ZBTB47: variants seen among roughly 807,000 people sequenced by gnomAD.
ZBTB47 encodes the protein zinc finger and BTB domain-containing protein 47.
Under a neutral mutation model 56.6 loss-of-function variants are expected in ZBTB47, and 24 were observed. The observed-to-expected ratio is 0.42, with a 90% CI of 0.31 to 0.60. The LOEUF (loss-of-function observed/expected upper bound fraction) is 0.60, where lower values mean the gene tolerates loss of function less well. Ranked by LOEUF, ZBTB47 falls within the 20% of genes least tolerant of loss-of-function variation. The probability of loss-of-function intolerance (pLI) is 0.14; values close to 1 mark genes in which losing one functional copy is unlikely to be tolerated. For missense variants in ZBTB47, 829 were observed against 1,032.6 expected (o/e 0.80, Z 2.70); for synonymous variants, 414 against 418.9 (o/e 0.99, Z 0.14).
chr3:42,659,625 C>T lies in ZBTB47; in HGVS notation c.1270C>T (p.Leu424=), dbSNP rs541362915. Residue 424 remains leucine (L), a synonymous_variant, in exon 2 of 6, where the codon CTG becomes TTG. Transcript: ENST00000232974. ...CCGAGGGCCGCCAGCCACTGATGGG[C>T]TGGGGGCCAAGGTGAAGCTGGAGGA... The part of the protein sequence containing the change: ...SARGPPATDG[L]GAKVKLEEKQ... The T allele has an allele frequency of 7.1e-5, 114 of 1,610,906 alleles. 1 individual carries two copies. The South Asian group carries it at 1.2e-3, about 17-fold the overall frequency.
intron 2 of ZBTB47, among the ~76,000 whole-genome samples, chr3:42,660,288 C>T (rs982575387): frequency 1.3e-5 from 2 of 152,194 alleles, no homozygotes; most frequent in Non-Finnish European, 1.5e-5. Context: ...AGTGAGCACA[C>T]GATGGGAGGA....
In ZBTB47 at chr3:42,658,707, G is replaced by C; in HGVS notation, c.352G>C (p.Gly118Arg). Residue 118 changes from glycine to arginine, a missense_variant, in exon 2 of 6, where the codon GGT becomes CGT. This residue lies in a region of ZBTB47 where 120 missense variants were observed against 200.2 expected (regional missense o/e 0.60). Coordinates refer to ENST00000232974, the MANE Select transcript of ZBTB47 (RefSeq NM_145166.4). ...GGACGCCCGCTCTCTAGGCCCACCA[G>C]GTCCGGGCACTGTGGCCCTGGCCCA... ...LLDARSLGPP[G>R]PGTVALAQPA... 2 of 1,535,650 alleles carry C rather than the reference G, an allele frequency of 1.3e-6. No homozygotes were observed. Among genetic ancestry groups the C allele is most frequent in the Non-Finnish European group, 8.7e-7 (1 of 1,146,574 alleles).
chr3:42,661,691 G>C, intron 3 of ZBTB47, 59 bp downstream of exon 3: 1 of 1,593,710 alleles, frequency 6.3e-7, no homozygotes, highest in Admixed American at 1.7e-5. Flanking sequence ...GCTTCTGGCT[G>C]GTGGATGGGA....
At chr3:42,658,224 G>T in intron 1 of ZBTB47, 51 bp from the exon 2 acceptor site, 1 of 1,432,174 alleles carries the variant, frequency 7.0e-7, no homozygotes, top group Non-Finnish European at 9.1e-7. Context: ...GGGGAAGGGC[G>T]GGCAGGGGCC....
In ZBTB47 at chr3:42,664,576, G is replaced by T; in HGVS notation, c.2222G>T (p.Gly741Val). ...TTCCCCACCACTGCCAGCCCCGGCG[G>T]GAGGATGAACGCCAACAACTAGCTG... ...PLFPTTASPG[G>V]RMNANN Residue 741 changes from glycine (G) to valine (V), a missense_variant, in exon 6 of 6, where the codon GGG becomes GTG. Gly to Val is a moderately radical substitution (Grantham distance 109). Transcript: ENST00000232974. The T allele has an allele frequency of 1.4e-6, 2 of 1,414,702 alleles. No homozygotes were observed. Among genetic ancestry groups the T allele is most frequent in the Non-Finnish European group, 1.8e-6 (2 of 1,098,286 alleles). 87.6% of individuals were successfully genotyped at this position (1,414,702 alleles called of 1,614,324 possible). A position where few individuals can be genotyped will look rare whatever the true frequency, so the allele number is the denominator to read the frequency against.
At position 42,653,722 on chromosome 3, in the gene ZBTB47, C is replaced by T. The variant is rs1553676620; in HGVS notation, c.-243C>T. The stretch of plus-strand genomic sequence containing the variant: ...ACTCAGCAGTGGTCAGGTCACACGG[C>T]TAGAGGGGCACAGTGGGGCCTGGGC... On this transcript the variant is annotated 5_prime_UTR_variant, in exon 1 of 6. Coordinates refer to ENST00000232974, the MANE Select transcript of ZBTB47 (RefSeq NM_145166.4). The T allele has an allele frequency of 6.6e-6, 1 of 152,568 alleles. No individual in the cohort carries two copies. The highest frequency in any genetic ancestry group is 1.5e-5 in the Non-Finnish European group (1 of 68,302). 9.5% of individuals were successfully genotyped at this position (152,568 alleles called of 1,614,324 possible).
rs1379019946 is a variant in ZBTB47, at chr3:42,659,197, A to G, written c.842A>G (p.Glu281Gly). Reference protein sequence around the residue: ...GLQRHSDEEEEDDEEEEEEEE... With the variant: ...GLQRHSDEEEGDDEEEEEEEE... The stretch of plus-strand genomic sequence containing the variant: ...CAGAGACACTCGGACGAGGAGGAGG[A>G]GGACGACGAGGAGGAGGAGGAGGAA... Residue 281 changes from glutamate to glycine, a missense_variant, in exon 2 of 6, where the codon GAG becomes GGG. Transcript: ENST00000232974. The G allele has an allele frequency of 1.3e-6, 2 of 1,525,054 alleles. No individual in the cohort carries two copies. The highest frequency in any genetic ancestry group is 1.8e-6 in the Non-Finnish European group (2 of 1,140,704). The allele number at this position is 1,525,054 out of a possible 1,614,324, so 94.5% of individuals were successfully genotyped here. A position where few individuals can be genotyped will look rare whatever the true frequency, so the allele number is the denominator to read the frequency against.
chr3:42,664,334 C>T lies in ZBTB47; in HGVS notation c.1980C>T (p.Tyr660=), dbSNP rs566867296. ...GCACGCACACGGGCGAGAAGCCGTA[C>T]CCGTGCGACGTGTGTGGCCAGCGCT... ...HRRTHTGEKP[Y]PCDVCGQRFR... Residue 660 remains tyrosine, a synonymous_variant, in exon 6 of 6, where the codon TAC becomes TAT. Coordinates refer to ENST00000232974, the MANE Select transcript of ZBTB47 (RefSeq NM_145166.4). The T allele has an allele frequency of 2.9e-5, 46 of 1,613,256 alleles. No homozygotes were observed. Among genetic ancestry groups the T allele is most frequent in the Non-Finnish European group, 3.6e-5 (42 of 1,179,728 alleles).
chr3:42,664,874 G>A lies in ZBTB47; in HGVS notation c.*276G>A, dbSNP rs1003225878. The A allele has an allele frequency of 6.7e-5, 22 of 327,058 alleles. No homozygotes were observed. Among genetic ancestry groups the A allele is most frequent in the Middle Eastern group, 7.8e-4 (1 of 1,282 alleles). 20.3% of individuals were successfully genotyped at this position (327,058 alleles called of 1,614,324 possible). On this transcript the variant is annotated 3_prime_UTR_variant, in exon 6 of 6. Coordinates refer to ENST00000232974, the MANE Select transcript of ZBTB47 (RefSeq NM_145166.4). ...TTTTTTTTTGGAAGTGAAGGAAAAA[G>A]AAACTATTTACAGCACTCCCCTCCA...
chr3:42,655,195 G>T (rs898069883), intron 1 of ZBTB47, among the ~76,000 whole-genome samples: 1 of 152,168 alleles, frequency 6.6e-6, no homozygotes, highest in African/African-American at 2.4e-5. Context: ...GGGGAGGTAA[G>T]TGCACAGAGG....
At chr3:42,652,948 G>A (rs747950369), upstream of ZBTB47, among the ~76,000 whole-genome samples, 3 of 152,234 alleles carry the variant, frequency 2.0e-5, no homozygotes, top group Non-Finnish European at 2.9e-5. Context: ...AGCCCTCAGC[G>A]GGCTAGCTGG....
In ZBTB47 at chr3:42,659,324, T is replaced by G; in HGVS notation, c.969T>G (p.Ser323Arg). The stretch of plus-strand genomic sequence containing the variant: ...AAGAAGAGGAGGAGGACGGGCACAG[T>G]GAGCAGGAAGAGGAAGAGGAGGAGG... ...EEEEEEEDGH[S>R]EQEEEEEEEE... Residue 323 changes from serine (S) to arginine (R), a missense_variant, in exon 2 of 6, where the codon AGT (serine) becomes AGG (arginine). Physicochemically the swap from Ser to Arg is moderately radical, Grantham distance 110. This residue lies in a region of ZBTB47 where 359 missense variants were observed against 359.8 expected (regional missense o/e 1.00). Transcript: ENST00000232974. 3 of 1,462,894 alleles carry G rather than the reference T, an allele frequency of 2.1e-6. No homozygotes were observed. The highest frequency in any genetic ancestry group is 2.8e-6 in the Non-Finnish European group (3 of 1,090,844). The allele number at this position is 1,462,894 out of a possible 1,614,324, so 90.6% of individuals were successfully genotyped here.
chr3:42,659,928 A>C lies in ZBTB47; in HGVS notation c.1473+100A>C, dbSNP rs575991686. ...TAGTGTCTTGCTGACTGCATTACCTAGGTGGTCTGCGGAGACCAGACTTAG... is the reference window on the plus strand; with the variant it reads ...TAGTGTCTTGCTGACTGCATTACCTCGGTGGTCTGCGGAGACCAGACTTAG... On this transcript the variant is annotated intron_variant, in intron 2 of 5. Transcript: ENST00000232974. 5 of 1,436,294 alleles carry C rather than the reference A, an allele frequency of 3.5e-6. 1 individual carries two copies. The South Asian group carries it at 7.3e-5, about 21-fold the overall frequency. The allele number at this position is 1,436,294 out of a possible 1,614,324, so 89.0% of individuals were successfully genotyped here. A position where few individuals can be genotyped will look rare whatever the true frequency, so the allele number is the denominator to read the frequency against.
At chr3:42,662,525 C>A (rs1005269002) in intron 3 of ZBTB47, among the ~76,000 whole-genome samples, 1 of 152,230 alleles carries the variant, frequency 6.6e-6, no homozygotes, top group Non-Finnish European at 1.5e-5. Context: ...CTAACTTCCT[C>A]CAGACTGCTG....
chr3:42,663,250 C>G lies in ZBTB47; in HGVS notation c.1737+123C>G. ...GAATGTAGTGTCCAGAAAGAGAGAGCCCTGCCCTCTGAGGTCTGCAGCCCC... is the reference window on the plus strand; with the variant it reads ...GAATGTAGTGTCCAGAAAGAGAGAGGCCTGCCCTCTGAGGTCTGCAGCCCC... On this transcript the variant is annotated intron_variant, in intron 4 of 5. Transcript: ENST00000232974. The surrounding 1 kb of genome is among the most constrained non-coding windows in gnomAD (Gnocchi z 5.1). 1.4e-6 allele frequency: 1 copy of G among 724,682 alleles called. No homozygotes were observed. The highest frequency in any genetic ancestry group is 2.4e-6 in the Non-Finnish European group (1 of 421,922). The allele number at this position is 724,682 out of a possible 1,614,324, so 44.9% of individuals were successfully genotyped here.
chr3:42,662,771 G>T (rs889590888), intron 3 of ZBTB47, among the ~76,000 whole-genome samples: 1 of 152,196 alleles, frequency 6.6e-6, no homozygotes, highest in African/African-American at 2.4e-5. Flanking sequence ...CCCTTGACCA[G>T]AGGCTAAAGA....
rs1185208590 is a variant in ZBTB47, at chr3:42,661,340, C to T, written c.1474-145C>T. On this transcript the variant is annotated intron_variant, in intron 2 of 5. Transcript: ENST00000232974. ...GAGTTTTCATCCCCAACCTTAGAAA[C>T]ATCAGAGCTGGCTGGCTGTTGGCAT... 8.2e-6 allele frequency: 7 copies of T among 858,094 alleles called. No homozygotes were observed. In the African/African-American group the frequency reaches 8.5e-5, roughly 10 times the overall value. The allele number at this position is 858,094 out of a possible 1,614,324, so 53.2% of individuals were successfully genotyped here.
chr3:42,655,191 G>A (rs1710626060), intron 1 of ZBTB47, among the ~76,000 whole-genome samples: 1 of 152,152 alleles, frequency 6.6e-6, no homozygotes, highest in African/African-American at 2.4e-5. Flanking sequence ...AAGAGGGGAG[G>A]TAAGTGCACA....
intron 1 of ZBTB47, among the ~76,000 whole-genome samples, chr3:42,655,530 C>A (rs553090927): frequency 3.9e-5 from 6 of 152,344 alleles, no homozygotes; most frequent in Admixed American, 1.3e-4. Flanking sequence ...GCATGAAACC[C>A]CCTGGCAACC....
Sources: allele counts gnomAD v4.1 joint callset (sites outside exome capture counted in the v4.1 genomes callset), GRCh38; gene constraint gnomAD v4.1.1; regional missense constraint gnomAD v4.1.1; non-coding constraint Gnocchi (gnomAD v3.1); transcripts MANE v1.5; gene names NCBI Gene and HGNC (gene_info 2026-07-23, HGNC 2026-07-21).